The following PLEKHG5 variants were observed in gnomAD, a reference collection of about 807,000 sequenced individuals.
PLEKHG5 encodes pleckstrin homology and RhoGEF domain containing G5, also known as pleckstrin homology domain-containing family G member 5.
In PLEKHG5, 52 loss-of-function variants were observed where a neutral mutation model predicts 103.8. The observed-to-expected ratio is 0.50, with a 90% confidence interval of 0.40 to 0.63. The LOEUF (loss-of-function observed/expected upper bound fraction) is 0.63, where lower values mean the gene tolerates loss of function less well. PLEKHG5 is among the 30% of genes least tolerant of loss of function. The pLI is 0.00. For missense variants in PLEKHG5, 1,205 were observed against 1,347.6 expected (o/e 0.89, Z 1.66); for synonymous variants, 592 against 575.5 (o/e 1.03, Z -0.41).
chr1:6,478,231 G>A (rs1475008186), intron 1 of PLEKHG5, among the ~76,000 whole-genome samples: 1 of 151,932 alleles, frequency 6.6e-6, no homozygotes, highest in East Asian at 1.9e-4. Context: ...GAGTGCAGTG[G>A]CACAATCATG....
intron 1 of PLEKHG5, among the ~76,000 whole-genome samples, chr1:6,480,685 G>A (rs1368684305): frequency 6.6e-6 from 1 of 150,930 alleles, no homozygotes; most frequent in African/African-American, 2.4e-5. Context: ...GTCTCACTCT[G>A]TCACCCAATC....
chr1:6,516,135 G>T (rs924942618), intron 1 of PLEKHG5, among the ~76,000 whole-genome samples: 2 of 152,316 alleles, frequency 1.3e-5, no homozygotes, highest in South Asian at 2.1e-4. Context: ...CCATTTGCAA[G>T]AATGAAAAAC....
Position 6,467,587 on chromosome 1 carries a change from G to C in PLEKHG5, c.3012-15C>G. ...CTCAGACCTCCCTACAGGGTGGGGA[G>C]GGGACAGAGTCCTTCTTTGGCTGAC... is the stretch of plus-strand genomic sequence containing the variant. On this transcript the variant is annotated splice_polypyrimidine_tract_variant and intron_variant, in intron 20 of 20. Coordinates refer to ENST00000377728, the MANE Select transcript of PLEKHG5 (RefSeq NM_020631.6). 5.6e-6 allele frequency: 9 copies of C among 1,612,866 alleles called. No individual in the cohort carries two copies. Among genetic ancestry groups the C allele is most frequent in the Non-Finnish European group, 7.6e-6 (9 of 1,179,376 alleles).
upstream of PLEKHG5, among the ~76,000 whole-genome samples, chr1:6,493,989 T>A (rs1267594879): frequency 6.6e-6 from 1 of 151,988 alleles, no homozygotes; most frequent in Non-Finnish European, 1.5e-5. Context: ...TCTTGCTCTG[T>A]TGCCCAGGCT....
rs913717174 is a variant in PLEKHG5, at chr1:6,469,736, G to A, written c.1801-60C>T. 7.7e-6 allele frequency: 12 copies of A among 1,566,788 alleles called. No homozygotes were observed. The African/African-American group carries it at 1.6e-4, about 21-fold the overall frequency. ...CAGCAGGGTCAGGGCCAGGGACTGT[G>A]GCACCAGCCTCCCCTGGGAGCACTC... On this transcript the variant is annotated intron_variant, in intron 16 of 20. Coordinates refer to ENST00000377728, the MANE Select transcript of PLEKHG5 (RefSeq NM_020631.6).
At position 6,505,293 on chromosome 1, in the gene PLEKHG5, T is replaced by C. The variant is rs938702557; in HGVS notation, c.-164-8724A>G. ...GCCTACAGTACCGACCAGCCCACGA[T>C]GCCGACCAGCCTACGGTGCCGACCA... On this transcript the variant is annotated intron_variant, in intron 1 of 21. Transcript: ENST00000377740. The surrounding 1 kb of genome is among the most constrained non-coding windows in gnomAD (Gnocchi z 4.2). Among the ~76,000 whole-genome samples the C allele has an allele frequency of 4.6e-5, 7 of 152,010 alleles. No individual in the cohort carries two copies. The highest frequency in any genetic ancestry group is 1.5e-4 in the African/African-American group (6 of 41,378).
chr1:6,473,487 C>G, intron 7 of PLEKHG5, 33 bp from the exon 8 acceptor site: 1 of 1,473,438 alleles, frequency 6.8e-7, no homozygotes, highest in Non-Finnish European at 9.0e-7. Flanking sequence ...GGCCGGGACC[C>G]CCTGCCAGCC....
chr1:6,473,333 G>T lies in PLEKHG5; in HGVS notation c.713C>A (p.Thr238Asn). The change falls in exon 8 of 21, where the codon ACT (threonine) becomes AAT (asparagine). Residue 238 changes from threonine (T) to asparagine (N), a missense_variant. Transcript: ENST00000377728. ...LPSGSSGSTN[T>N]GDSWKNRAAS... Reference sequence around the variant, plus strand: ...CGCCCGGTTCTTCCAGCTGTCGCCAGTGTTGGTGCTGCCACTGCTGCCGCT... The same window carrying T: ...CGCCCGGTTCTTCCAGCTGTCGCCATTGTTGGTGCTGCCACTGCTGCCGCT... The T allele has an allele frequency of 6.4e-7, 1 of 1,558,458 alleles. No individual in the cohort carries two copies. Among genetic ancestry groups the T allele is most frequent in the Non-Finnish European group, 8.7e-7 (1 of 1,152,184 alleles).
At chr1:6,477,468 G>A (rs1644791290) in intron 2 of PLEKHG5, 61 bp downstream of exon 2, 1 of 1,568,040 alleles carries the variant, frequency 6.4e-7, no homozygotes, top group Non-Finnish European at 8.7e-7. Context: ...GTTTCCGACA[G>A]TTACTGAAAC....
At chr1:6,479,565 C>T (rs1171830585) in intron 1 of PLEKHG5, among the ~76,000 whole-genome samples, 12 of 151,970 alleles carry the variant, frequency 7.9e-5, no homozygotes, top group African/African-American at 2.4e-4. Flanking sequence ...GGATTACACG[C>T]GTGAGCCACC....
chr1:6,482,154 C>T (rs375865604), intron 1 of PLEKHG5, among the ~76,000 whole-genome samples: 2 of 152,232 alleles, frequency 1.3e-5, no homozygotes, highest in East Asian at 3.9e-4. Flanking sequence ...TAGCTTCCCC[C>T]CAAGTCACCT....
At chr1:6,497,350 G>T (rs1462902609), upstream of PLEKHG5, 11 of 1,046,590 alleles carry the variant, frequency 1.1e-5, no homozygotes, top group Non-Finnish European at 1.3e-5. This position sits in a 1 kb window ranked among gnomAD's most constrained non-coding sequence, Gnocchi z 6.1. Context: ...CGCGCGGGGG[G>T]CGGGCGGCGG....
rs768170960 is a variant in PLEKHG5, at chr1:6,473,080, T to C, written c.890A>G (p.Asp297Gly). The C allele has an allele frequency of 3.7e-6, 6 of 1,613,892 alleles. No individual in the cohort carries two copies. Among genetic ancestry groups the C allele is most frequent in the Non-Finnish European group, 5.1e-6 (6 of 1,179,958 alleles). Residue 297 changes from aspartate (D) to glycine (G), a missense_variant, in exon 9 of 21, where the codon GAC becomes GGC. Transcript: ENST00000377728. ...TTCATCGTACTCCTCCTCCCAGGAG[T>C]CATGGTCGAAGCGCAGCCCCCGGGG... Reference protein sequence around the residue: ...RLPRGLRFDHDSWEEEYDEDE... With the variant: ...RLPRGLRFDHGSWEEEYDEDE...
rs1020684458 is a variant in PLEKHG5 at position 6,486,783 on chromosome 1, G to A, written c.-88+4854C>T. On this transcript the variant is annotated intron_variant, in intron 1 of 20. Transcript: ENST00000377728. The surrounding 1 kb of genome is among the most constrained non-coding windows in gnomAD (Gnocchi z 5.3). ...CACCATTAGCCCCATTCACGGCGTG[G>A]GGGATAAAGTGACATAAAGAGACAA... Among the ~76,000 whole-genome samples the A allele has an allele frequency of 1.3e-5, 2 of 152,228 alleles. No individual in the cohort carries two copies. The highest frequency in any genetic ancestry group is 4.8e-5 in the African/African-American group (2 of 41,448).
upstream of PLEKHG5, among the ~76,000 whole-genome samples, chr1:6,498,738 A>G (rs1645263087): frequency 6.6e-6 from 1 of 151,846 alleles, no homozygotes; most frequent in Non-Finnish European, 1.5e-5. Context: ...GCCTACGGGA[A>G]CTCTCAGGAT....
intron 19 of PLEKHG5, 125 bp downstream of exon 19, chr1:6,468,917 C>T: frequency 1.2e-6 from 1 of 850,536 alleles, no homozygotes; most frequent in South Asian, 1.4e-5. Context: ...GAGACAGAGC[C>T]CCGCTCCCAC....
At chr1:6,467,757 C>A in intron 20 of PLEKHG5, 68 bp downstream of exon 20, 1 of 1,571,866 alleles carries the variant, frequency 6.4e-7, no homozygotes, top group East Asian at 2.3e-5. Flanking sequence ...TGCGATGCTC[C>A]CAGGCATGAG....
rs1365331535 is a variant in PLEKHG5 at position 6,471,179 on chromosome 1, C to T, written c.1282-79G>A. On this transcript the variant is annotated intron_variant, in intron 12 of 20. Coordinates refer to ENST00000377728, the MANE Select transcript of PLEKHG5 (RefSeq NM_020631.6). The stretch of plus-strand genomic sequence containing the variant: ...CGGCCCGCGCCAGGCGCTGCGCAAG[C>T]GCTTCCTTACTGCACTTGGGCGACC... 4.3e-6 allele frequency: 5 copies of T among 1,174,680 alleles called. No individual in the cohort carries two copies. In the East Asian group the frequency reaches 1.0e-4, roughly 24 times the overall value. The allele number at this position is 1,174,680 out of a possible 1,614,324, so 72.8% of individuals were successfully genotyped here.
Position 6,490,791 on chromosome 1 carries a change from C to G in PLEKHG5, c.-88+846G>C, listed in dbSNP as rs1386440203. 6.6e-6 allele frequency among the ~76,000 whole-genome samples: 1 copy of G among 152,182 alleles called. No individual in the cohort carries two copies. Among genetic ancestry groups the G allele is most frequent in the Non-Finnish European group, 1.5e-5 (1 of 68,024 alleles). On this transcript the variant is annotated intron_variant, in intron 1 of 20. Coordinates refer to ENST00000377728, the MANE Select transcript of PLEKHG5 (RefSeq NM_020631.6). The surrounding 1 kb of genome is among the most constrained non-coding windows in gnomAD (Gnocchi z 8.0). ...TCAGGGGAGGGGGTGGGGGGCGTCACTGTCCCCGAGGGGCCAGCCCTTTGC... is the reference window on the plus strand; with the variant it reads ...TCAGGGGAGGGGGTGGGGGGCGTCAGTGTCCCCGAGGGGCCAGCCCTTTGC...
Sources: gnomAD v4.1 joint callset for allele counts (sites outside exome capture counted in the v4.1 genomes callset) on GRCh38, gnomAD v4.1.1 for gene constraint, Gnocchi (gnomAD v3.1) non-coding constraint, MANE v1.5 for transcripts, NCBI Gene and HGNC (gene_info 2026-07-23, HGNC 2026-07-21) for gene names.